Variants in MAPK10 observed in about 807,000 individuals in gnomAD.
MAPK10 encodes mitogen-activated protein kinase 10.
A neutral mutation model predicts 59.3 loss-of-function variants in MAPK10; 25 were observed. The ratio of observed to expected loss-of-function variants is 0.42; its 90% CI spans 0.31 to 0.59. The LOEUF is 0.59. Among genes scored for constraint, MAPK10 ranks in the 20% least tolerant of loss-of-function variants. MAPK10 has a pLI of 0.15. For missense variants in MAPK10, 351 were observed against 568.9 expected (o/e 0.62, Z 3.90); for synonymous variants, 190 against 200.5 (o/e 0.95, Z 0.44).
At chr4:86,055,197 A>G (rs192321413) in intron 11 of MAPK10, among the ~76,000 whole-genome samples, 1 of 152,336 alleles carries the variant, frequency 6.6e-6, no homozygotes, top group Admixed American at 6.5e-5. Flanking sequence ...AAGAAATACT[A>G]AAACATATTA....
chr4:86,471,638 T>G (rs987852202), intron 1 of MAPK10, among the ~76,000 whole-genome samples: 2 of 152,250 alleles, frequency 1.3e-5, no homozygotes, highest in African/African-American at 2.4e-5. Context: ...TATACCATAC[T>G]TCAGATTTTG....
chr4:86,140,603 C>T (rs1241081996), intron 4 of MAPK10, among the ~76,000 whole-genome samples: 1 of 150,688 alleles, frequency 6.6e-6, no homozygotes, highest in East Asian at 1.9e-4. Context: ...TTAGTGGGTG[C>T]AGCACACCAG....
At chr4:86,204,273 C>T (rs1030724836) in intron 2 of MAPK10, among the ~76,000 whole-genome samples, 1 of 151,876 alleles carries the variant, frequency 6.6e-6, no homozygotes, top group Non-Finnish European at 1.5e-5. Context: ...TATAAATGCA[C>T]AAAATAATTT....
At chr4:86,511,174 AT>A (rs796866765) in intron 1 of MAPK10, among the ~76,000 whole-genome samples, 11 of 151,740 alleles carry the variant, frequency 7.2e-5, no homozygotes, top group African/African-American at 2.2e-4. Flanking sequence ...TTATACATCA[AT>A]TTTTTTTTAT....
intron 2 of MAPK10, among the ~76,000 whole-genome samples, chr4:86,226,567 T>C (rs1563310035): frequency 6.6e-6 from 1 of 152,220 alleles, no homozygotes; most frequent in Admixed American, 6.5e-5. Context: ...GAATATATTT[T>C]ACTTCTAAGG....
chr4:86,069,490 A>G (rs1305558273), intron 9 of MAPK10, among the ~76,000 whole-genome samples: 3 of 152,146 alleles, frequency 2.0e-5, no homozygotes, highest in African/African-American at 7.2e-5. Flanking sequence ...ATCACTAGAA[A>G]TAATGAAACT....
chr4:86,381,983 G>A (rs1564770288), intron 1 of MAPK10, among the ~76,000 whole-genome samples: 1 of 152,052 alleles, frequency 6.6e-6, no homozygotes, highest in African/African-American at 2.4e-5. Context: ...CCTCCTCAGG[G>A]TTTCTCTACA....
At chr4:86,446,227 G>C (rs1190212622) in intron 1 of MAPK10, among the ~76,000 whole-genome samples, 1 of 152,080 alleles carries the variant, frequency 6.6e-6, no homozygotes, top group Non-Finnish European at 1.5e-5. Flanking sequence ...ATTTGGATTA[G>C]CTGTAAATGG....
At chr4:86,024,072 T>G (rs1470542790) in intron 13 of MAPK10, 1 of 151,962 alleles carries the variant, frequency 6.6e-6, no homozygotes, top group Non-Finnish European at 1.5e-5. Flanking sequence ...TGAGATAGGC[T>G]TTTTCCCCTA....
upstream of MAPK10, among the ~76,000 whole-genome samples, chr4:86,456,546 A>G (rs1218639147): frequency 6.6e-6 from 1 of 152,204 alleles, no homozygotes; most frequent in East Asian, 1.9e-4. Context: ...CACATAAACT[A>G]GAAAACCTAA....
At chr4:86,478,102 A>G (rs1266103938) in intron 1 of MAPK10, among the ~76,000 whole-genome samples, 1 of 152,122 alleles carries the variant, frequency 6.6e-6, no homozygotes, top group African/African-American at 2.4e-5. Flanking sequence ...CTACAAAACA[A>G]CAACTCCTTT....
chr4:86,030,267 G>C (rs2038700999), intron 12 of MAPK10, among the ~76,000 whole-genome samples: 1 of 151,762 alleles, frequency 6.6e-6, no homozygotes, highest in African/African-American at 2.4e-5. Flanking sequence ...CATGACCCTG[G>C]AATCTCTGGA....
chr4:86,461,113 G>A (rs1297870238), intron 1 of MAPK10, among the ~76,000 whole-genome samples: 2 of 143,072 alleles, frequency 1.4e-5, no homozygotes, highest in Non-Finnish European at 3.0e-5. Flanking sequence ...CTAAGCTGGA[G>A]GACACCTGAG....
At chr4:86,089,173 C>T in intron 9 of MAPK10, 1 of 1,543,052 alleles carries the variant, frequency 6.5e-7, no homozygotes, top group East Asian at 2.3e-5. Context: ...GAGAGTGACA[C>T]CCATAGATAC....
intron 2 of MAPK10, among the ~76,000 whole-genome samples, chr4:86,211,011 G>A (rs2149353152): frequency 6.6e-6 from 1 of 151,632 alleles, no homozygotes; most frequent in Non-Finnish European, 1.5e-5. Context: ...TGAACTTGAA[G>A]ACAGAACAAT....
intron 1 of MAPK10, among the ~76,000 whole-genome samples, chr4:86,549,160 C>T (rs1010927867): frequency 1.3e-5 from 2 of 152,102 alleles, no homozygotes; most frequent in African/African-American, 2.4e-5. Flanking sequence ...TTAACCATAT[C>T]TTATCATCGT....
chr4:86,207,995 A>G (rs2084623207), intron 2 of MAPK10, among the ~76,000 whole-genome samples: 1 of 152,136 alleles, frequency 6.6e-6, no homozygotes, highest in South Asian at 2.1e-4. Flanking sequence ...TCTAGAAGAA[A>G]TGGATAAATT....
chr4:86,512,716 A>C (rs780805773), intron 1 of MAPK10, among the ~76,000 whole-genome samples: 12 of 152,182 alleles, frequency 7.9e-5, no homozygotes, highest in Non-Finnish European at 1.6e-4. Context: ...CTCCCATGGA[A>C]TTACTAAAAA....
chr4:86,276,647 G>T (rs2094586281), intron 2 of MAPK10, among the ~76,000 whole-genome samples: 1 of 152,076 alleles, frequency 6.6e-6, no homozygotes, highest in Non-Finnish European at 1.5e-5. Flanking sequence ...TTAATTATCA[G>T]TATCTCCTCT....
Sources: allele counts gnomAD v4.1 joint callset (sites outside exome capture counted in the v4.1 genomes callset), GRCh38; gene constraint gnomAD v4.1.1; transcripts MANE v1.5; gene names NCBI Gene and HGNC (gene_info 2026-07-23, HGNC 2026-07-21).